LSG1: variants seen among roughly 807,000 people sequenced by gnomAD.
LSG1 encodes the protein large 60S subunit nuclear export GTPase 1, also known as large subunit GTPase 1 homolog.
In LSG1, 55 loss-of-function variants were observed where a neutral mutation model predicts 82.6. That is an observed-to-expected ratio of 0.67 (90% confidence interval 0.54 to 0.83). LSG1 has a LOEUF of 0.83. Ranked by LOEUF, LSG1 falls within the 40% of genes least tolerant of loss-of-function variation. The pLI, the probability that LSG1 is intolerant of heterozygous loss-of-function variation, is 0.00. For missense variants in LSG1, 809 were observed against 807.9 expected (o/e 1.00, Z -0.02); for synonymous variants, 272 against 282.5 (o/e 0.96, Z 0.37).
At chr3:194,664,940 TAAATAAATAAAA>T (rs1220242733) in intron 5 of LSG1, among the ~76,000 whole-genome samples, 3 of 57,638 alleles carry the variant, frequency 5.2e-5, no homozygotes, top group Non-Finnish European at 8.8e-5. Flanking sequence ...AATAAATAAA[TAAATAAATAAAA>T]AACATAAAAA....
intron 5 of LSG1, among the ~76,000 whole-genome samples, chr3:194,663,007 G>A (rs1216684259): frequency 6.6e-6 from 1 of 152,130 alleles, no homozygotes; most frequent in Admixed American, 6.5e-5. Context: ...TTCCGTAAAA[G>A]TCAGAAACCA....
At chr3:194,653,494 A>G (rs1386378141) in intron 7 of LSG1, among the ~76,000 whole-genome samples, 3 of 149,234 alleles carry the variant, frequency 2.0e-5, no homozygotes, top group Admixed American at 6.8e-5. Context: ...CAGTCTGGGC[A>G]ACAGACAAGG....
chr3:194,664,154 C>T (rs1460886252), intron 5 of LSG1, among the ~76,000 whole-genome samples: 1 of 152,118 alleles, frequency 6.6e-6, no homozygotes, highest in Admixed American at 6.5e-5. Context: ...GGTTTCACCA[C>T]GTTCCTCAGG....
Position 194,650,966 on chromosome 3 carries a change from G to T in LSG1, c.1334C>A (p.Ser445Tyr), listed in dbSNP as rs1718661111. ...LCDCPGLVMP[S>Y]FVSTKAEMTC... ...CATTTCTGCCTTGGTAGACACAAAA[G>T]ATGGCATCACCAAGCCAGGACAGTC... The change falls in exon 10 of 14, where the codon TCT (serine) becomes TAT (tyrosine). Residue 445 changes from serine (S) to tyrosine (Y), a missense_variant. Coordinates refer to ENST00000265245, the MANE Select transcript of LSG1 (RefSeq NM_018385.3). 6.2e-7 allele frequency: 1 copy of T among 1,614,192 alleles called. No homozygotes were observed. Among genetic ancestry groups the T allele is most frequent in the African/African-American group, 1.3e-5 (1 of 75,050 alleles).
chr3:194,649,066 G>T (rs1256606883), intron 10 of LSG1: 3 of 324,156 alleles, frequency 9.3e-6, no homozygotes, highest in Non-Finnish European at 1.7e-5. Flanking sequence ...CTTTAAAGAT[G>T]ACACATTTTT....
In LSG1 at chr3:194,666,207, C is replaced by G. The variant is rs1719025170; in HGVS notation, c.430G>C (p.Val144Leu). The change falls in exon 4 of 14, where the codon GTC (valine) becomes CTC (leucine). Residue 144 changes from valine to leucine, a missense_variant. Coordinates refer to ENST00000265245, the MANE Select transcript of LSG1 (RefSeq NM_018385.3). Reference protein sequence around the residue: ...DNFLEWRRQLVRLEEEQKLIL... With the variant: ...DNFLEWRRQLLRLEEEQKLIL... ...CATAGAGTCTATAATACTCACCGGA[C>G]AAGCTGACGTCTCCATTCTAGAAAG... 2 of 1,613,482 alleles carry G rather than the reference C, an allele frequency of 1.2e-6. No homozygotes were observed. The highest frequency in any genetic ancestry group is 2.7e-5 in the African/African-American group (2 of 74,904).
intron 6 of LSG1, 67 bp downstream of exon 6, chr3:194,660,005 CT>C: frequency 1.5e-6 from 2 of 1,332,564 alleles, no homozygotes; most frequent in South Asian, 2.3e-5. Context: ...ACAGTCATTG[CT>C]GAGGGATGCG....
rs1719112429 is a variant in LSG1, at chr3:194,670,033, G to C, written c.202C>G (p.Leu68Val). The part of the protein sequence containing the change: ...SLDDFLATAE[L>V]AGTEFVAEKL... ...CCAGCTACAAACTCTGTTCCTGCAA[G>C]TTCTGCAGTAGCAAGGAAGTCATCA... The change falls in exon 2 of 14, where the codon CTT becomes GTT. Residue 68 changes from leucine to valine, a missense_variant. Physicochemically the swap from Leu to Val is conservative, Grantham distance 32. Coordinates refer to ENST00000265245, the MANE Select transcript of LSG1 (RefSeq NM_018385.3). 6.2e-7 allele frequency: 1 copy of C among 1,614,058 alleles called. No individual in the cohort carries two copies. Among genetic ancestry groups the C allele is most frequent in the South Asian group, 1.1e-5 (1 of 91,078 alleles).
intron 8 of LSG1, 187 bp from the exon 9 acceptor site, chr3:194,651,403 A>G (rs58900392): frequency 0.016 from 9,255 of 587,070 alleles, 659 homozygotes; most frequent in African/African-American, 0.16. Context: ...ATTCAGACAC[A>G]TCTCCAGTGA....
chr3:194,652,549 T>A (rs1718696364), intron 8 of LSG1, among the ~76,000 whole-genome samples, 180 bp downstream of exon 8: 1 of 152,208 alleles, frequency 6.6e-6, no homozygotes, highest in South Asian at 2.1e-4. Context: ...AGGAAGTTGA[T>A]TCCTTTGAGT....
rs139051218 is a variant in LSG1 at position 194,660,735 on chromosome 3, T to C, written c.522-602A>G. 409 of 367,578 alleles carry C rather than the reference T, an allele frequency of 1.1e-3. 2 individuals carry two copies. Among genetic ancestry groups the C allele is most frequent in the African/African-American group, 8.1e-3 (383 of 47,134 alleles). 22.8% of individuals were successfully genotyped at this position (367,578 alleles called of 1,614,324 possible). A position where few individuals can be genotyped will look rare whatever the true frequency, so the allele number is the denominator to read the frequency against. Reference sequence around the variant, plus strand: ...ATGGCAAAAAGAGAAAACAGGAAAGTATTAACTTAGGTTGCCCGGCTGAAG... The same window carrying C: ...ATGGCAAAAAGAGAAAACAGGAAAGCATTAACTTAGGTTGCCCGGCTGAAG... On this transcript the variant is annotated intron_variant, in intron 5 of 13. Coordinates refer to ENST00000265245, the MANE Select transcript of LSG1 (RefSeq NM_018385.3).
chr3:194,672,062 A>G lies in LSG1; in HGVS notation c.99+2T>C. Reference sequence around the variant, plus strand: ...TAAGAAAGATGACATGGTCTGTCTTACCCAGGAGTCAGTGTGACGATGGCT... The same window carrying G: ...TAAGAAAGATGACATGGTCTGTCTTGCCCAGGAGTCAGTGTGACGATGGCT... On this transcript the variant is annotated splice_donor_variant, in intron 1 of 13. Coordinates refer to ENST00000265245, the MANE Select transcript of LSG1 (RefSeq NM_018385.3). LOFTEE classifies it high-confidence loss of function. The G allele has an allele frequency of 2.5e-6, 4 of 1,611,776 alleles. No individual in the cohort carries two copies. Among genetic ancestry groups the G allele is most frequent in the Non-Finnish European group, 3.4e-6 (4 of 1,179,262 alleles).
intron 7 of LSG1, among the ~76,000 whole-genome samples, chr3:194,653,730 C>T (rs927852125): frequency 1.3e-5 from 2 of 152,110 alleles, no homozygotes; most frequent in African/African-American, 2.4e-5. Context: ...ACATGTATTA[C>T]TTTTGTAATT....
At chr3:194,669,864 G>A (rs1319800080) in intron 2 of LSG1, 145 bp downstream of exon 2, 9 of 858,386 alleles carry the variant, frequency 1.0e-5, no homozygotes, top group South Asian at 9.5e-5. Context: ...CCCAGGAGGC[G>A]GAGCTGCAGT....
intron 12 of LSG1, among the ~76,000 whole-genome samples, chr3:194,645,591 C>CAG (rs1459987226): frequency 7.6e-5 from 8 of 105,910 alleles, no homozygotes; most frequent in South Asian, 2.8e-4. Context: ...CACACACACA[C>CAG]ACACACACAC....
chr3:194,666,238 T>C lies in LSG1; in HGVS notation c.399A>G (p.Lys133=), dbSNP rs1007237440. 8 of 1,614,192 alleles carry C rather than the reference T, an allele frequency of 5.0e-6. No individual in the cohort carries two copies. The highest frequency in any genetic ancestry group is 6.8e-6 in the Non-Finnish European group (8 of 1,180,030). Residue 133 remains lysine, a synonymous_variant, in exon 4 of 14, where the codon AAA becomes AAG. Transcript: ENST00000265245. ...GACGTCTCCATTCTAGAAAGTTATC[T>C]TTCTCTGCTTGTTTGAGTTCTTCTG... ...TTPEELKQAE[K]DNFLEWRRQL...
intron 5 of LSG1, among the ~76,000 whole-genome samples, chr3:194,661,572 T>C (rs1249517713): frequency 2.6e-5 from 4 of 152,208 alleles, no homozygotes; most frequent in African/African-American, 9.6e-5. Context: ...CTCTGCGGTT[T>C]CCTGCATTTC....
intron 2 of LSG1, among the ~76,000 whole-genome samples, chr3:194,669,690 T>G (rs1719103456): frequency 1.3e-5 from 2 of 152,120 alleles, no homozygotes; most frequent in African/African-American, 4.8e-5. Context: ...TCCCAGCACT[T>G]TGGGAGGCCA....
chr3:194,666,639 G>A (rs1173853050), intron 2 of LSG1, 67 bp from the exon 3 acceptor site: 17 of 1,342,100 alleles, frequency 1.3e-5, no homozygotes, highest in Non-Finnish European at 1.6e-5. Flanking sequence ...TGGTCATACT[G>A]ATAAACTGAG....
Sources: allele counts gnomAD v4.1 joint callset (sites outside exome capture counted in the v4.1 genomes callset), GRCh38; gene constraint gnomAD v4.1.1; transcripts MANE v1.5; gene names NCBI Gene and HGNC (gene_info 2026-07-23, HGNC 2026-07-21).